Variants in SCRN3 observed in about 807,000 individuals in gnomAD.
SCRN3 encodes the protein secernin-3.
SCRN3 carries 39 observed loss-of-function variants against 43.1 expected under a neutral mutation model. That is an observed-to-expected ratio of 0.91 (90% CI 0.70 to 1.18). The LOEUF (loss-of-function observed/expected upper bound fraction) is 1.18, where lower values mean the gene tolerates loss of function less well. Among genes scored for constraint, SCRN3 ranks in the 50% most tolerant of loss-of-function variants. SCRN3 has a pLI of 0.00. For synonymous variants in SCRN3, 147 were observed against 163.1 expected (o/e 0.90, Z 0.75); for missense variants, 484 against 498.0 (o/e 0.97, Z 0.27).
At chr2:174,415,946 G>A (rs1220898503) in intron 5 of SCRN3, among the ~76,000 whole-genome samples, 2 of 152,134 alleles carry the variant, frequency 1.3e-5, no homozygotes, top group African/African-American at 4.8e-5. Context: ...TGCCTGGCTG[G>A]TAAATGGTTC....
intron 7 of SCRN3, among the ~76,000 whole-genome samples, chr2:174,426,223 G>A (rs1411634248): frequency 6.6e-6 from 1 of 152,036 alleles, no homozygotes; most frequent in Non-Finnish European, 1.5e-5. Flanking sequence ...GCATATATAT[G>A]TTTTTTAAAA....
chr2:174,414,765 CT>C lies in SCRN3; in HGVS notation c.755-8104del, dbSNP rs553055709. Among the ~76,000 whole-genome samples the C allele has an allele frequency of 1.1e-3, 139 of 131,162 alleles. 2 individuals are homozygous for C. Among genetic ancestry groups the C allele is most frequent in the East Asian group, 3.3e-3 (15 of 4,596 alleles). The allele number at this position is 131,162 out of a possible 152,430, so 86.0% of individuals were successfully genotyped here. A position where few individuals can be genotyped will look rare whatever the true frequency, so the allele number is the denominator to read the frequency against. ...CCATGACTATTTTCTTTTCTATTTT[CT>C]TTTTTTTTTTTTTTTGAGACAGAGT... On this transcript the variant is annotated intron_variant, in intron 5 of 7. Transcript: ENST00000272732.
intron 7 of SCRN3, 148 bp downstream of exon 7, chr2:174,424,797 T>C: frequency 1.8e-6 from 1 of 565,724 alleles, no homozygotes. Context: ...TAGAGCTGTA[T>C]TATTTTTATC....
At chr2:174,417,831 C>A (rs1004919660) in intron 5 of SCRN3, among the ~76,000 whole-genome samples, 2 of 152,148 alleles carry the variant, frequency 1.3e-5, no homozygotes, top group African/African-American at 4.8e-5. Flanking sequence ...CTCTCAGCAC[C>A]TAATTCATTA....
In SCRN3 at chr2:174,401,170, GGCA is replaced by G; in HGVS notation, c.527_529del (p.Ala176del). Reference sequence around the variant, plus strand: ...TTCTGGAGACTGCAGGGAAGTACTGGGCAGCAGAAAAAGTACAAGGTATGGACA... The same window carrying G: ...TTCTGGAGACTGCAGGGAAGTACTGGGCAGAAAAAGTACAAGGTATGGACA... On this transcript the variant is annotated inframe_deletion, in exon 4 of 8. Transcript: ENST00000272732. 4 of 1,613,610 alleles carry G rather than the reference GGCA, an allele frequency of 2.5e-6. No individual in the cohort carries two copies. Among genetic ancestry groups the G allele is most frequent in the Non-Finnish European group, 3.4e-6 (4 of 1,179,758 alleles).
Position 174,401,061 on chromosome 2 carries a change from G to A in SCRN3, c.413G>A (p.Gly138Asp), listed in dbSNP as rs764399617. ...NVIVDLLEKY[G>D]QGGNCTEGRM... Reference sequence around the variant, plus strand: ...ATTGTTGACTTACTAGAAAAATATGGCCAGGGTGGAAATTGCACAGAGGGT... The same window carrying A: ...ATTGTTGACTTACTAGAAAAATATGACCAGGGTGGAAATTGCACAGAGGGT... Residue 138 changes from glycine to aspartate, a missense_variant, in exon 4 of 8, where the codon GGC becomes GAC. Transcript: ENST00000272732. 2.5e-6 allele frequency: 4 copies of A among 1,613,774 alleles called. No individual in the cohort carries two copies. The Admixed American group carries it at 5.0e-5, about 20-fold the overall frequency.
At chr2:174,414,963 G>A (rs56206677) in intron 5 of SCRN3, among the ~76,000 whole-genome samples, 31,072 of 151,800 alleles carry the variant, frequency 0.2, 3,543 homozygotes, top group Middle Eastern at 0.38. Flanking sequence ...GGGTTTCACC[G>A]TGTTGGCCAG....
chr2:174,421,434 T>C (rs762795129), intron 5 of SCRN3, among the ~76,000 whole-genome samples: 4 of 152,200 alleles, frequency 2.6e-5, no homozygotes, highest in Non-Finnish European at 4.4e-5. Flanking sequence ...GCTGCAGTGC[T>C]TAAAGTCTAT....
intron 2 of SCRN3, 73 bp downstream of exon 2, chr2:174,398,515 T>C: frequency 7.6e-7 from 1 of 1,315,982 alleles, no homozygotes; most frequent in East Asian, 2.7e-5. Flanking sequence ...TACATAGCAA[T>C]TTGGAAGAAA....
At position 174,395,986 on chromosome 2, in the gene SCRN3, A is replaced by C. The variant is rs943729658; in HGVS notation, c.-10+169A>C. ...GGTGGACCGCGGCGGCCCTTCGACC[A>C]AAGGTGCTTGAAGCTCGAGCCCATT... On this transcript the variant is annotated intron_variant, in intron 1 of 7. Transcript: ENST00000272732. 2.9e-6 allele frequency: 4 copies of C among 1,378,668 alleles called. No individual in the cohort carries two copies. In the Admixed American group the frequency reaches 1.0e-4, roughly 35 times the overall value. The allele number at this position is 1,378,668 out of a possible 1,614,324, so 85.4% of individuals were successfully genotyped here.
intron 4 of SCRN3, 83 bp from the exon 5 acceptor site, chr2:174,404,020 A>C: frequency 2.9e-6 from 3 of 1,041,894 alleles, no homozygotes; most frequent in Non-Finnish European, 4.3e-6. Flanking sequence ...TTACATAGTG[A>C]TTAGGAATCA....
intron 4 of SCRN3, among the ~76,000 whole-genome samples, chr2:174,402,285 T>C (rs551108423): frequency 1.2e-4 from 19 of 152,332 alleles, no homozygotes; most frequent in Non-Finnish European, 2.2e-4. Flanking sequence ...AACACCTTCA[T>C]TGGGTCTCAT....
chr2:174,421,703 G>T (rs1686299431), intron 5 of SCRN3, among the ~76,000 whole-genome samples: 1 of 152,168 alleles, frequency 6.6e-6, no homozygotes, highest in Non-Finnish European at 1.5e-5. Flanking sequence ...ATTCTCTGAG[G>T]CTTTCCAGGT....
chr2:174,398,802 A>G (rs997752228), intron 2 of SCRN3, among the ~76,000 whole-genome samples: 1 of 152,230 alleles, frequency 6.6e-6, no homozygotes, highest in African/African-American at 2.4e-5. Context: ...GATGGTTTAA[A>G]TGCTAAATTT....
At chr2:174,421,550 C>T (rs939445887) in intron 5 of SCRN3, among the ~76,000 whole-genome samples, 8 of 152,156 alleles carry the variant, frequency 5.3e-5, no homozygotes, top group East Asian at 1.9e-4. Flanking sequence ...ATACACAGGA[C>T]TCCTCTAATG....
Position 174,418,446 on chromosome 2 carries a change from C to T in SCRN3, c.755-4439C>T, listed in dbSNP as rs1002786154. 2.0e-5 allele frequency among the ~76,000 whole-genome samples: 3 copies of T among 152,286 alleles called. No homozygotes were observed. The East Asian group carries it at 5.8e-4, about 29-fold the overall frequency. On this transcript the variant is annotated intron_variant, in intron 5 of 7. Transcript: ENST00000272732. The stretch of plus-strand genomic sequence containing the variant: ...TATCCAAATTGAATCTATATTCACT[C>T]ATATATTTTAAATAACTAGCTTAAA...
intron 5 of SCRN3, among the ~76,000 whole-genome samples, chr2:174,412,314 C>A (rs1685948468): frequency 6.6e-6 from 1 of 151,888 alleles, no homozygotes; most frequent in South Asian, 2.1e-4. Flanking sequence ...GGAAGGTGGG[C>A]ACCAACAAGA....
Position 174,428,249 on chromosome 2 carries a change from T to C in SCRN3, c.*354T>C, listed in dbSNP as rs190166333. 2.5e-4 allele frequency: 39 copies of C among 155,042 alleles called. No individual in the cohort carries two copies. Among genetic ancestry groups the C allele is most frequent in the Non-Finnish European group, 5.0e-4 (35 of 69,586 alleles). 9.6% of individuals were successfully genotyped at this position (155,042 alleles called of 1,614,324 possible). A position where few individuals can be genotyped will look rare whatever the true frequency, so the allele number is the denominator to read the frequency against. ...CATGGATTTATATTTATTATAATTATGTAGTACCCTCAAATCATTTTGTCA... is the reference window on the plus strand; with the variant it reads ...CATGGATTTATATTTATTATAATTACGTAGTACCCTCAAATCATTTTGTCA... On this transcript the variant is annotated 3_prime_UTR_variant, in exon 8 of 8. Coordinates refer to ENST00000272732, the MANE Select transcript of SCRN3 (RefSeq NM_024583.5).
intron 4 of SCRN3, among the ~76,000 whole-genome samples, chr2:174,402,881 C>T (rs1027433228): frequency 6.6e-6 from 1 of 151,840 alleles, no homozygotes; most frequent in South Asian, 2.1e-4. Flanking sequence ...TTTTGTTTAT[C>T]GTGATCTGTT....
Sources: allele counts gnomAD v4.1 joint callset (sites outside exome capture counted in the v4.1 genomes callset), GRCh38; gene constraint gnomAD v4.1.1; transcripts MANE v1.5; gene names NCBI Gene and HGNC (gene_info 2026-07-23, HGNC 2026-07-21).